Variants in PTPRT observed in about 807,000 individuals in gnomAD.
PTPRT encodes receptor-type tyrosine-protein phosphatase T.
A neutral mutation model predicts 176.8 loss-of-function variants in PTPRT; 56 were observed. That is an observed-to-expected ratio of 0.32 (90% CI 0.26 to 0.40). The LOEUF is 0.40. Ranked by LOEUF, PTPRT falls within the 10% of genes least tolerant of loss-of-function variation. The pLI, the probability that PTPRT is intolerant of heterozygous loss-of-function variation, is 1.00. For synonymous variants in PTPRT, 783 were observed against 739.0 expected (o/e 1.06, Z -0.96); for missense variants, 1,540 against 1,908.2 (o/e 0.81, Z 3.60).
chr20:42,236,558 T>C (rs1205554792), intron 14 of PTPRT, among the ~76,000 whole-genome samples: 1 of 151,952 alleles, frequency 6.6e-6, no homozygotes, highest in East Asian at 1.9e-4. Flanking sequence ...AGTTCTTCCT[T>C]ATGGTCAACC....
chr20:42,955,516 G>T (rs544543600), intron 1 of PTPRT, among the ~76,000 whole-genome samples: 1 of 152,264 alleles, frequency 6.6e-6, no homozygotes, highest in East Asian at 1.9e-4. Flanking sequence ...AGCCTCAATT[G>T]CCATGACTGA....
chr20:42,950,708 T>A (rs1238366409), intron 1 of PTPRT, among the ~76,000 whole-genome samples: 1 of 152,194 alleles, frequency 6.6e-6, no homozygotes, highest in Non-Finnish European at 1.5e-5. Context: ...TGCCTATACC[T>A]TAGCTTTAGA....
intron 9 of PTPRT, among the ~76,000 whole-genome samples, chr20:42,387,979 A>G (rs978353286): frequency 2.0e-5 from 3 of 152,006 alleles, no homozygotes; most frequent in Non-Finnish European, 2.9e-5. Flanking sequence ...TTTAGCAGAG[A>G]CAGGGTTTCA....
At chr20:42,404,972 T>TTATATATA (rs200602736) in intron 9 of PTPRT, among the ~76,000 whole-genome samples, 1,795 of 77,932 alleles carry the variant, frequency 0.023, 103 homozygotes, top group Middle Eastern at 0.045. Flanking sequence ...GGCCAATTAA[T>TTATATATA]TATATATATA....
intron 7 of PTPRT, among the ~76,000 whole-genome samples, chr20:42,530,423 T>C (rs1041979949): frequency 1.3e-5 from 2 of 152,000 alleles, no homozygotes; most frequent in African/African-American, 4.8e-5. Context: ...ACACAGATAA[T>C]CACAACATAA....
At chr20:43,099,374 A>C (rs1017843431) in intron 1 of PTPRT, among the ~76,000 whole-genome samples, 10 of 152,264 alleles carry the variant, frequency 6.6e-5, no homozygotes, top group Admixed American at 1.3e-4. Context: ...AGAGTAAGGA[A>C]GCAATTTTCT....
chr20:42,151,866 G>T (rs4254560), intron 17 of PTPRT, among the ~76,000 whole-genome samples: 1 of 152,112 alleles, frequency 6.6e-6, no homozygotes, highest in African/African-American at 2.4e-5. Context: ...AACTGGGACC[G>T]TTTTGGGAAA....
At chr20:43,083,320 G>GTGTGTATATATA in intron 1 of PTPRT, among the ~76,000 whole-genome samples, 1 of 37,386 alleles carries the variant, frequency 2.7e-5, no homozygotes, top group Non-Finnish European at 7.0e-5. Flanking sequence ...CACTTCAAAT[G>GTGTGTATATATA]TATATATATA....
At chr20:42,984,009 T>C (rs972713724) in intron 1 of PTPRT, among the ~76,000 whole-genome samples, 4 of 152,158 alleles carry the variant, frequency 2.6e-5, no homozygotes, top group Non-Finnish European at 4.4e-5. Flanking sequence ...CATTTGAGTT[T>C]TATCTGCAGG....
At chr20:42,532,472 G>A (rs2072401582) in intron 7 of PTPRT, among the ~76,000 whole-genome samples, 1 of 152,146 alleles carries the variant, frequency 6.6e-6, no homozygotes, top group South Asian at 2.1e-4. Context: ...CATGATCATA[G>A]TTCACTGCAG....
chr20:42,114,415 A>G lies in PTPRT; in HGVS notation c.3099+784T>C, dbSNP rs576267546. On this transcript the variant is annotated intron_variant, in intron 22 of 30. Coordinates refer to ENST00000373187, the MANE Select transcript of PTPRT (RefSeq NM_007050.6). ...AGTAAGTGTTAGCTATCATTATGAT[A>G]TAATAGTAATGATAGAATAGCAATT... Among the ~76,000 whole-genome samples, 13 of 152,374 alleles carry G rather than the reference A, an allele frequency of 8.5e-5. No individual in the cohort carries two copies. In the South Asian group the frequency reaches 2.1e-3, roughly 24 times the overall value.
chr20:42,702,358 G>T (rs950652789), intron 6 of PTPRT, among the ~76,000 whole-genome samples: 1 of 152,118 alleles, frequency 6.6e-6, no homozygotes, highest in African/African-American at 2.4e-5. Flanking sequence ...GGATCAACAC[G>T]GATAATAAAG....
intron 6 of PTPRT, among the ~76,000 whole-genome samples, chr20:42,700,108 A>G (rs143756001): frequency 6.6e-6 from 1 of 152,314 alleles, no homozygotes; most frequent in East Asian, 1.9e-4. Flanking sequence ...AAGAGATTTG[A>G]AAGATTTCTT....
At chr20:42,184,363 C>A (rs990431898) in intron 16 of PTPRT, among the ~76,000 whole-genome samples, 12 of 152,098 alleles carry the variant, frequency 7.9e-5, no homozygotes, top group African/African-American at 2.9e-4. Flanking sequence ...ATGATGTTTT[C>A]TTTGATCACC....
In PTPRT at chr20:42,375,735, AT is replaced by A. The variant is rs553366446; in HGVS notation, c.1561-23451del. ...GATAGATGGATGGATAGATAGGCAG[AT>A]TTTCTTTATTTAAACATAAAAGGAA... On this transcript the variant is annotated intron_variant, in intron 9 of 30. Transcript: ENST00000373187. Among the ~76,000 whole-genome samples the A allele has an allele frequency of 1.7e-3, 253 of 152,324 alleles. 2 individuals are homozygous for A. The highest frequency in any genetic ancestry group is 4.7e-3 in the African/African-American group (197 of 41,572).
chr20:43,059,203 A>G (rs916784418), intron 1 of PTPRT, among the ~76,000 whole-genome samples: 1 of 152,184 alleles, frequency 6.6e-6, no homozygotes, highest in Admixed American at 6.5e-5. Context: ...CTCCTTATCA[A>G]ACAGTTGCTT....
chr20:42,885,127 CAATATATAATAATAATATAAT>C (rs2079081452), intron 2 of PTPRT, among the ~76,000 whole-genome samples: 2 of 146,792 alleles, frequency 1.4e-5, no homozygotes, highest in African/African-American at 2.5e-5. Flanking sequence ...CCTTATAATA[CAATATATAATAATAATATAAT>C]AATATATAAT....
At chr20:42,864,138 G>T (rs1236190623) in intron 2 of PTPRT, among the ~76,000 whole-genome samples, 1 of 152,192 alleles carries the variant, frequency 6.6e-6, no homozygotes, top group Non-Finnish European at 1.5e-5. Context: ...GGGCGTTTCT[G>T]CCCCAGGCCA....
intron 7 of PTPRT, among the ~76,000 whole-genome samples, chr20:42,536,944 C>A (rs969113232): frequency 6.6e-6 from 1 of 152,076 alleles, no homozygotes; most frequent in African/African-American, 2.4e-5. Flanking sequence ...AATATTATAA[C>A]CAACCTAAAT....
Sources: gnomAD v4.1 joint callset for allele counts (sites outside exome capture counted in the v4.1 genomes callset) on GRCh38, gnomAD v4.1.1 for gene constraint, MANE v1.5 for transcripts, NCBI Gene and HGNC (gene_info 2026-07-23, HGNC 2026-07-21) for gene names.